Variants in FNDC3B observed in about 807,000 individuals in gnomAD.
FNDC3B encodes the protein fibronectin type III domain-containing protein 3B.
In FNDC3B, 12 loss-of-function variants were observed where a neutral mutation model predicts 151.5. The ratio of observed to expected loss-of-function variants is 0.08; its 90% CI spans 0.05 to 0.13. The LOEUF (loss-of-function observed/expected upper bound fraction) is 0.13. Ranked by LOEUF, FNDC3B falls within the 10% of genes least tolerant of loss-of-function variation. FNDC3B has a pLI of 1.00. For synonymous variants in FNDC3B, 528 were observed against 549.0 expected (o/e 0.96, Z 0.54); for missense variants, 1,214 against 1,505.3 (o/e 0.81, Z 3.20).
chr3:172,341,121 T>G lies in FNDC3B; in HGVS notation c.1861T>G (p.Trp621Gly). 4 of 1,612,596 alleles carry G rather than the reference T, an allele frequency of 2.5e-6. No homozygotes were observed. Among genetic ancestry groups the G allele is most frequent in the Non-Finnish European group, 3.4e-6 (4 of 1,178,598 alleles). Residue 621 changes from tryptophan to glycine, a missense_variant, in exon 17 of 26, where the codon TGG becomes GGG. Around this residue, in one of 7 missense-constraint regions of FNDC3B, gnomAD observed 380 missense variants for 420.9 expected, o/e 0.90. Coordinates refer to ENST00000415807, the MANE Select transcript of FNDC3B (RefSeq NM_022763.4). ...TAAGTCTTGTTTTACAGCGAATCAG[T>G]GGGAAGTGGCCTACAGTGGGTCGGC... ...ITDGNSEANQ[W>G]EVAYSGSATE...
Position 172,190,745 on chromosome 3 carries a change from C to T in FNDC3B, c.188-36126C>T, listed in dbSNP as rs567181685. Among the ~76,000 whole-genome samples the T allele has an allele frequency of 9.4e-4, 143 of 152,150 alleles. 1 individual carries two copies. The highest frequency in any genetic ancestry group is 1.2e-3 in the Non-Finnish European group (82 of 68,000). On this transcript the variant is annotated intron_variant, in intron 3 of 25. Transcript: ENST00000415807. ...GTGCAATGGCACGATCTTGGCTCAC[C>T]GCAACCTCCACCTCCTGGGTTCAAG...
chr3:172,319,986 G>A (rs1473939712), intron 11 of FNDC3B, among the ~76,000 whole-genome samples: 1 of 152,158 alleles, frequency 6.6e-6, no homozygotes, highest in Non-Finnish European at 1.5e-5. Flanking sequence ...TGGGCCACAA[G>A]CACGTGACAA....
intron 24 of FNDC3B, among the ~76,000 whole-genome samples, chr3:172,379,798 A>G (rs770699903): frequency 2.6e-5 from 4 of 152,252 alleles, no homozygotes; most frequent in South Asian, 4.2e-4. Flanking sequence ...AAGGAGTACT[A>G]TCTTTGCCTC....
At chr3:172,148,192 T>A (rs73880108) in intron 3 of FNDC3B, among the ~76,000 whole-genome samples, 12,169 of 152,118 alleles carry the variant, frequency 0.08, 1,541 homozygotes, top group African/African-American at 0.27. Flanking sequence ...TATCGTTAGG[T>A]TATTTTAAAG....
intron 20 of FNDC3B, 99 bp from the exon 21 acceptor site, chr3:172,347,113 G>T: frequency 2.0e-6 from 2 of 1,002,916 alleles, no homozygotes; most frequent in Non-Finnish European, 2.9e-6. Flanking sequence ...ATATTCTGGG[G>T]CATGTTGCTC....
rs148414755 is a variant in FNDC3B at position 172,335,071 on chromosome 3, G to A, written c.1769G>A (p.Ser590Asn). Residue 590 changes from serine to asparagine, a missense_variant, in exon 15 of 26, where the codon AGT becomes AAT. By Grantham distance (46) the Ser-to-Asn change is conservative. This residue lies in a region of FNDC3B where 380 missense variants were observed against 420.9 expected (regional missense o/e 0.90). Transcript: ENST00000415807. The part of the protein sequence containing the change: ...VKGPVTSHGF[S>N]VKWDPPKDNG... ...GGCCCAGTTACATCTCATGGCTTTA[G>A]TGTCAAATGGGGTATGTTTTGCTGC... is the stretch of plus-strand genomic sequence containing the variant. 4.4e-6 allele frequency: 7 copies of A among 1,600,040 alleles called. No homozygotes were observed. The highest frequency in any genetic ancestry group is 6.0e-6 in the Non-Finnish European group (7 of 1,173,918).
intron 22 of FNDC3B, among the ~76,000 whole-genome samples, chr3:172,354,577 A>C (rs770520449): frequency 1.3e-4 from 20 of 151,766 alleles, no homozygotes; most frequent in Non-Finnish European, 2.9e-4. Context: ...TATAGTACAC[A>C]ATTGGGTATA....
chr3:172,107,546 A>G (rs1395758193), intron 1 of FNDC3B, among the ~76,000 whole-genome samples: 1 of 152,160 alleles, frequency 6.6e-6, no homozygotes, highest in Non-Finnish European at 1.5e-5. Flanking sequence ...CAGCTCAGAT[A>G]CACATCTGTC....
chr3:172,197,939 A>C (rs1724922117), intron 3 of FNDC3B, among the ~76,000 whole-genome samples: 2 of 152,232 alleles, frequency 1.3e-5, no homozygotes, highest in South Asian at 4.1e-4. Flanking sequence ...ATATTTTGTA[A>C]GGTGGTAGTT....
Position 172,293,682 on chromosome 3 carries a change from C to T in FNDC3B, c.850-1681C>T, listed in dbSNP as rs781553355. On this transcript the variant is annotated intron_variant, in intron 7 of 25. Coordinates refer to ENST00000415807, the MANE Select transcript of FNDC3B (RefSeq NM_022763.4). ...ACTGGGAGGTAGTGAGGCCGGGCTG[C>T]GGTCTTTAAGGATGAGCAGGAGTTT... 3.5e-4 allele frequency among the ~76,000 whole-genome samples: 54 copies of T among 152,168 alleles called. 1 individual carries two copies. Among genetic ancestry groups the T allele is most frequent in the South Asian group, 1.7e-3 (8 of 4,826 alleles).
chr3:172,322,740 T>TGG (rs1732152939), intron 11 of FNDC3B, among the ~76,000 whole-genome samples: 1 of 151,826 alleles, frequency 6.6e-6, no homozygotes, highest in African/African-American at 2.4e-5. Context: ...ACAGGGAGAG[T>TGG]GGGGGCAAAT....
intron 1 of FNDC3B, among the ~76,000 whole-genome samples, chr3:172,080,799 AG>A (rs1389875922): frequency 6.6e-6 from 1 of 152,200 alleles, no homozygotes; most frequent in African/African-American, 2.4e-5. Context: ...GTGTCTGTTA[AG>A]GGCACCTCAT....
chr3:172,225,524 CAT>C (rs1289452958), intron 3 of FNDC3B: 1 of 196,484 alleles, frequency 5.1e-6, no homozygotes, highest in Non-Finnish European at 1.1e-5. Flanking sequence ...TCCAGCATCA[CAT>C]TCATCTGAAG....
chr3:172,311,692 C>T (rs561444653), intron 11 of FNDC3B, among the ~76,000 whole-genome samples: 10 of 148,274 alleles, frequency 6.7e-5, no homozygotes, highest in African/African-American at 2.5e-4. Context: ...CGATGAAACA[C>T]CGTCTCTACT....
chr3:172,358,566 T>A (rs1734207030), intron 22 of FNDC3B, among the ~76,000 whole-genome samples: 1 of 152,182 alleles, frequency 6.6e-6, no homozygotes, highest in Admixed American at 6.5e-5. Flanking sequence ...TGTTGTAAAG[T>A]GAGGTGGTGT....
At chr3:172,167,392 T>A (rs778325221) in intron 3 of FNDC3B, among the ~76,000 whole-genome samples, 3 of 152,168 alleles carry the variant, frequency 2.0e-5, no homozygotes, top group Non-Finnish European at 4.4e-5. Flanking sequence ...TGAGACTGTC[T>A]CAAAAAGAAT....
chr3:172,130,853 C>T (rs1023761222), intron 2 of FNDC3B, among the ~76,000 whole-genome samples: 1 of 152,028 alleles, frequency 6.6e-6, no homozygotes, highest in African/African-American at 2.4e-5. Flanking sequence ...CCATTGGTTC[C>T]CCCCTCCCCC....
chr3:172,298,588 AAAGTT>A (rs1484731664), intron 8 of FNDC3B, 135 bp from the exon 9 acceptor site: 72 of 504,412 alleles, frequency 1.4e-4, no homozygotes, highest in Admixed American at 5.3e-4. Flanking sequence ...ATCAAATAAG[AAAGTT>A]TATTTCTGGT....
chr3:172,197,839 C>G (rs1576788999), intron 3 of FNDC3B, among the ~76,000 whole-genome samples: 1 of 152,210 alleles, frequency 6.6e-6, no homozygotes. Context: ...TGCCTCATTA[C>G]TGGTGATGAT....
Sources: gnomAD v4.1 joint callset for allele counts (sites outside exome capture counted in the v4.1 genomes callset) on GRCh38, gnomAD v4.1.1 for gene constraint, gnomAD v4.1.1 regional missense constraint, MANE v1.5 for transcripts, NCBI Gene and HGNC (gene_info 2026-07-23, HGNC 2026-07-21) for gene names.